Variants in KLF13 observed in about 807,000 individuals in gnomAD.
KLF13 encodes Krueppel-like factor 13.
KLF13 carries 8 observed loss-of-function variants against 16.7 expected under a neutral mutation model. The ratio of observed to expected loss-of-function variants is 0.48; its 90% confidence interval spans 0.28 to 0.87. KLF13 has a LOEUF of 0.87. Ranked by LOEUF, KLF13 falls within the 40% of genes least tolerant of loss-of-function variation. The pLI is 0.10. For missense variants in KLF13, 447 were observed against 452.2 expected (o/e 0.99, Z 0.10); for synonymous variants, 245 against 208.4 (o/e 1.18, Z -1.51).
chr15:31,356,516 C>T (rs571898734), intron 1 of KLF13, among the ~76,000 whole-genome samples: 2 of 152,254 alleles, frequency 1.3e-5, no homozygotes, highest in Admixed American at 6.5e-5. Flanking sequence ...CGCGCCACTG[C>T]ACTCCAGCCT....
At chr15:31,368,955 G>A (rs902791562) in intron 1 of KLF13, among the ~76,000 whole-genome samples, 7 of 152,120 alleles carry the variant, frequency 4.6e-5, no homozygotes, top group African/African-American at 1.7e-4. Flanking sequence ...GATTTTAGTT[G>A]TCTTGATGGT....
At chr15:31,421,365 G>A (rs1329881603) in intron 1 of KLF13, among the ~76,000 whole-genome samples, 2 of 152,110 alleles carry the variant, frequency 1.3e-5, no homozygotes, top group African/African-American at 4.8e-5. Flanking sequence ...GAAAAGTACA[G>A]AATTGTATAA....
intron 1 of KLF13, among the ~76,000 whole-genome samples, chr15:31,344,429 C>T (rs2039079933): frequency 1.3e-5 from 2 of 152,202 alleles, no homozygotes. Flanking sequence ...GCAGGGGTGC[C>T]AGGAATCCCC....
At chr15:31,431,632 T>G (rs904421523) in intron 1 of KLF13, among the ~76,000 whole-genome samples, 1 of 152,112 alleles carries the variant, frequency 6.6e-6, no homozygotes, top group Non-Finnish European at 1.5e-5. Context: ...GTCCGGCTAA[T>G]TTTTTGTATT....
intron 1 of KLF13, among the ~76,000 whole-genome samples, chr15:31,334,335 A>G (rs886082954): frequency 6.6e-6 from 1 of 152,048 alleles, no homozygotes; most frequent in Non-Finnish European, 1.5e-5. Flanking sequence ...GGCGGGTGAC[A>G]CTCTCTAAGT....
chr15:31,364,333 C>T (rs1156355049), intron 1 of KLF13, among the ~76,000 whole-genome samples: 1 of 152,232 alleles, frequency 6.6e-6, no homozygotes, highest in Admixed American at 6.5e-5. Flanking sequence ...AGCAGTGTTG[C>T]CTCCGACACT....
chr15:31,409,306 C>G (rs996107270), downstream of KLF13, among the ~76,000 whole-genome samples: 1 of 151,864 alleles, frequency 6.6e-6, no homozygotes, highest in South Asian at 2.1e-4. Flanking sequence ...AAAAAACAAA[C>G]AAACAAAACA....
chr15:31,398,861 C>T (rs2039993204), intron 2 of KLF13, among the ~76,000 whole-genome samples: 1 of 152,162 alleles, frequency 6.6e-6, no homozygotes, highest in South Asian at 2.1e-4. Flanking sequence ...TGGGCAAGCC[C>T]TACAGTCGCC....
At chr15:31,330,326 C>A (rs2038805534) in intron 1 of KLF13, among the ~76,000 whole-genome samples, 1 of 152,178 alleles carries the variant, frequency 6.6e-6, no homozygotes, top group Non-Finnish European at 1.5e-5. Context: ...CTCCATTAGG[C>A]TCGGGAAGGT....
At chr15:31,396,076 A>G (rs540865937) in intron 2 of KLF13, among the ~76,000 whole-genome samples, 2 of 151,960 alleles carry the variant, frequency 1.3e-5, no homozygotes, top group South Asian at 4.2e-4. Flanking sequence ...CCCATGCTGG[A>G]GTGCAATGGC....
chr15:31,418,770 T>C (rs993897780), intron 1 of KLF13, among the ~76,000 whole-genome samples: 1 of 152,208 alleles, frequency 6.6e-6, no homozygotes, highest in African/African-American at 2.4e-5. Flanking sequence ...TCAGTCCATT[T>C]TTGTGTTGCT....
chr15:31,330,043 C>T (rs537575502), intron 1 of KLF13, among the ~76,000 whole-genome samples: 1 of 152,248 alleles, frequency 6.6e-6, no homozygotes, highest in East Asian at 1.9e-4. Flanking sequence ...GTGGAGGGCA[C>T]CCCTGGGAAG....
At chr15:31,410,576 CCAA>C in intron 1 of KLF13, among the ~76,000 whole-genome samples, 1 of 141,410 alleles carries the variant, frequency 7.1e-6, no homozygotes, top group East Asian at 2.1e-4. Context: ...ACAGTAAACA[CCAA>C]CCAACACACA....
chr15:31,328,586 C>T (rs2038765275), intron 1 of KLF13, among the ~76,000 whole-genome samples: 1 of 151,866 alleles, frequency 6.6e-6, no homozygotes, highest in Non-Finnish European at 1.5e-5. Context: ...CCACCTCTCA[C>T]CTGCCCTGGG....
chr15:31,420,396 C>A, intron 1 of KLF13: 1 of 1,141,506 alleles, frequency 8.8e-7, no homozygotes, highest in Non-Finnish European at 1.3e-6. Flanking sequence ...AGTGGCTACC[C>A]TTACAATGAG....
At chr15:31,405,793 G>T (rs556189508), downstream of KLF13, among the ~76,000 whole-genome samples, 69 of 152,276 alleles carry the variant, frequency 4.5e-4, no homozygotes, top group Non-Finnish European at 8.4e-4. Context: ...CTATCTGTAT[G>T]CATAAGTCTT....
intron 1 of KLF13, among the ~76,000 whole-genome samples, chr15:31,369,919 T>A (rs2039531197): frequency 6.6e-6 from 1 of 152,190 alleles, no homozygotes; most frequent in Non-Finnish European, 1.5e-5. Context: ...TCTATTAAGC[T>A]GTGAGAGCTC....
upstream of KLF13, among the ~76,000 whole-genome samples, chr15:31,391,573 A>T (rs1172322110): frequency 1.3e-5 from 2 of 151,986 alleles, no homozygotes; most frequent in African/African-American, 4.8e-5. Context: ...CTGGGGCCCC[A>T]CACCCATTTC....
intron 1 of KLF13, among the ~76,000 whole-genome samples, chr15:31,340,975 C>T (rs374916115): frequency 1.3e-5 from 2 of 152,198 alleles, no homozygotes; most frequent in South Asian, 2.1e-4. Context: ...GGAGACCCAG[C>T]GCCCCTGTGC....
Sources: allele counts gnomAD v4.1 joint callset (sites outside exome capture counted in the v4.1 genomes callset), GRCh38; gene constraint gnomAD v4.1.1; transcripts MANE v1.5; gene names NCBI Gene and HGNC (gene_info 2026-07-23, HGNC 2026-07-21).